CUBN: variants seen among roughly 807,000 people sequenced by gnomAD.
CUBN encodes cubilin, also known as 460 kDa receptor.
CUBN carries 282 observed loss-of-function variants against 405.3 expected under a neutral mutation model. The observed-to-expected ratio is 0.70, with a 90% confidence interval of 0.63 to 0.77. The LOEUF (loss-of-function observed/expected upper bound fraction) is 0.77, where lower values mean the gene tolerates loss of function less well. Among genes scored for constraint, CUBN ranks in the 30% least tolerant of loss-of-function variants. CUBN has a pLI of 0.00. For missense variants in CUBN, 4,514 were observed against 4,475.2 expected (o/e 1.01, Z -0.25); for synonymous variants, 1,684 against 1,617.0 (o/e 1.04, Z -0.99).
rs559502016 is a variant in CUBN, at chr10:17,009,010, G to T, written c.4168+10823C>A. ...CGGGACCTCTCCCATGGAAGAGCTC[G>T]CCCTCTCTGTGGGCTCCCCTTCTCA... On this transcript the variant is annotated intron_variant, in intron 28 of 66. Coordinates refer to ENST00000377833, the MANE Select transcript of CUBN (RefSeq NM_001081.4). 1.6e-4 allele frequency among the ~76,000 whole-genome samples: 25 copies of T among 152,230 alleles called. No individual in the cohort carries two copies. The South Asian group carries it at 5.2e-3, about 32-fold the overall frequency.
At chr10:16,834,898 T>G in intron 64 of CUBN, 116 bp downstream of exon 64, 1 of 1,104,120 alleles carries the variant, frequency 9.1e-7, no homozygotes, top group Non-Finnish European at 1.3e-6. Flanking sequence ...ATGAATAAAT[T>G]AATGAAACAA....
chr10:17,065,733 G>A (rs1431720593), intron 21 of CUBN, 95 bp from the exon 22 acceptor site: 5 of 1,442,112 alleles, frequency 3.5e-6, no homozygotes, highest in Non-Finnish European at 4.9e-6. Context: ...ATAATAATAG[G>A]TTTTGTTCTC....
At chr10:17,116,212 G>GTGTTTA (rs1836895034) in intron 6 of CUBN, among the ~76,000 whole-genome samples, 1 of 152,230 alleles carries the variant, frequency 6.6e-6, no homozygotes, top group Admixed American at 6.5e-5. Flanking sequence ...ATTACACTAT[G>GTGTTTA]CGTAAGCTAG....
chr10:17,126,823 T>A (rs1837202343), intron 3 of CUBN, 24 bp from the exon 4 acceptor site: 1 of 1,613,866 alleles, frequency 6.2e-7, no homozygotes, highest in Non-Finnish European at 8.5e-7. Flanking sequence ...AGAAAAAGCT[T>A]CAGTTAGCTG....
chr10:16,977,645 AC>A (rs1174332000), intron 31 of CUBN, among the ~76,000 whole-genome samples: 1 of 152,214 alleles, frequency 6.6e-6, no homozygotes, highest in African/African-American at 2.4e-5. Context: ...GAAGATGGGT[AC>A]CAAGAGGACA....
chr10:16,928,005 G>A (rs1014928900), intron 41 of CUBN, 152 bp downstream of exon 41: 21 of 823,400 alleles, frequency 2.6e-5, no homozygotes, highest in Middle Eastern at 3.6e-4. Flanking sequence ...GATGTAAGGG[G>A]AGCCAGCCAT....
chr10:17,089,066 C>T (rs1385284130), intron 14 of CUBN, among the ~76,000 whole-genome samples: 1 of 152,046 alleles, frequency 6.6e-6, no homozygotes, highest in Non-Finnish European at 1.5e-5. Context: ...TACTGTAAAT[C>T]AAATGACAGA....
chr10:16,873,721 C>CAAAAAAAAAAAA, intron 58 of CUBN, among the ~76,000 whole-genome samples: 1 of 116,486 alleles, frequency 8.6e-6, no homozygotes, highest in Middle Eastern at 4.3e-3. Context: ...GACCTTCTCT[C>CAAAAAAAAAAAA]AAAAAAAAAA....
At position 17,098,573 on chromosome 10, in the gene CUBN, A is replaced by C. The variant is rs540244348; in HGVS notation, c.1765+1432T>G. Among the ~76,000 whole-genome samples the C allele has an allele frequency of 6.4e-4, 97 of 152,320 alleles. 2 individuals carry two copies. The highest frequency in any genetic ancestry group is 5.4e-3 in the Admixed American group (82 of 15,296). On this transcript the variant is annotated intron_variant, in intron 14 of 66. Coordinates refer to ENST00000377833, the MANE Select transcript of CUBN (RefSeq NM_001081.4). The stretch of plus-strand genomic sequence containing the variant: ...CGGCTTGGTATTGAAGGTCCTAGCC[A>C]GGGCAATAAGTCAAGGAAAAGAAAT...
intron 31 of CUBN, among the ~76,000 whole-genome samples, chr10:16,980,010 AC>A (rs1833217353): frequency 6.6e-6 from 1 of 152,144 alleles, no homozygotes; most frequent in African/African-American, 2.4e-5. Context: ...AAAATAAACA[AC>A]CTCATCAAAA....
At chr10:17,014,244 G>A (rs2131770195) in intron 28 of CUBN, among the ~76,000 whole-genome samples, 1 of 152,264 alleles carries the variant, frequency 6.6e-6, no homozygotes, top group Admixed American at 6.5e-5. Flanking sequence ...ATGAGTCTAA[G>A]GACCCCAAGA....
rs528410394 is a variant in CUBN, at chr10:16,982,380, A to T, written c.4695+104T>A. 1.9e-3 allele frequency: 1,960 copies of T among 1,040,534 alleles called. 5 individuals carry two copies. Among genetic ancestry groups the T allele is most frequent in the Non-Finnish European group, 2.6e-3 (1,767 of 679,544 alleles). The allele number at this position is 1,040,534 out of a possible 1,614,324, so 64.5% of individuals were successfully genotyped here. On this transcript the variant is annotated intron_variant, in intron 31 of 66. Transcript: ENST00000377833. ...CAATAGTTTGGTTTCCTATGAATCG[A>T]CATTAAAAACACCCATAAGTAATAC... is the stretch of plus-strand genomic sequence containing the variant.
intron 31 of CUBN, among the ~76,000 whole-genome samples, chr10:16,966,198 T>C (rs776127699): frequency 1.8e-4 from 27 of 152,264 alleles, no homozygotes; most frequent in Admixed American, 2.6e-4. Context: ...GCTTTCCAAG[T>C]GGTTGGCATC....
At chr10:16,937,887 CAA>C in intron 38 of CUBN, 103 bp from the exon 39 acceptor site, 1 of 1,053,242 alleles carries the variant, frequency 9.5e-7, no homozygotes. Context: ...GTTATCATAA[CAA>C]AAAAATGACA....
intron 27 of CUBN, among the ~76,000 whole-genome samples, chr10:17,033,913 G>A (rs1188722962): frequency 6.6e-6 from 1 of 152,224 alleles, no homozygotes; most frequent in African/African-American, 2.4e-5. Context: ...TTAGGCTGTA[G>A]ACATGGAGAA....
intron 66 of CUBN, among the ~76,000 whole-genome samples, chr10:16,828,166 CT>C (rs71505096): frequency 6.6e-6 from 1 of 151,806 alleles, no homozygotes; most frequent in Non-Finnish European, 1.5e-5. Flanking sequence ...ACAGAGGGAG[CT>C]TTTTTTTAAA....
intron 14 of CUBN, among the ~76,000 whole-genome samples, chr10:17,090,826 T>TAAAAAA (rs59564374): frequency 6.4e-5 from 6 of 94,008 alleles, no homozygotes; most frequent in Admixed American, 1.2e-4. Flanking sequence ...AAATGTAAAG[T>TAAAAAA]AAAAAAAAAA....
At chr10:17,036,640 G>A (rs1834907599) in intron 27 of CUBN, among the ~76,000 whole-genome samples, 1 of 152,128 alleles carries the variant, frequency 6.6e-6, no homozygotes, top group African/African-American at 2.4e-5. Flanking sequence ...TTCCAAGATG[G>A]GGAAAGATTC....
At chr10:16,967,367 G>A (rs1186124129) in intron 31 of CUBN, among the ~76,000 whole-genome samples, 2 of 152,146 alleles carry the variant, frequency 1.3e-5, no homozygotes, top group Non-Finnish European at 2.9e-5. Flanking sequence ...AATCTAAGAT[G>A]CTCGTTTTAC....
Sources: allele counts gnomAD v4.1 joint callset (sites outside exome capture counted in the v4.1 genomes callset), GRCh38; gene constraint gnomAD v4.1.1; transcripts MANE v1.5; gene names NCBI Gene and HGNC (gene_info 2026-07-23, HGNC 2026-07-21).